The following LARGE1 variants were observed in gnomAD, a reference collection of about 807,000 sequenced individuals.
LARGE1 encodes xylosyl- and glucuronyltransferase LARGE1.
In LARGE1, 43 loss-of-function variants were observed where a neutral mutation model predicts 87.6. The ratio of observed to expected loss-of-function variants is 0.49; its 90% CI spans 0.38 to 0.63. The LOEUF is 0.63. LARGE1 is among the 30% of genes least tolerant of loss of function. The pLI is 0.00. For synonymous variants in LARGE1, 434 were observed against 394.6 expected (o/e 1.10, Z -1.18); for missense variants, 802 against 1,000.2 (o/e 0.80, Z 2.67).
At chr22:33,552,435 G>A (rs1027440953) in intron 6 of LARGE1, among the ~76,000 whole-genome samples, 1 of 150,524 alleles carries the variant, frequency 6.6e-6, no homozygotes, top group Non-Finnish European at 1.5e-5. Flanking sequence ...ATCTCAACAC[G>A]GGAGACACAA....
intron 11 of LARGE1, among the ~76,000 whole-genome samples, chr22:33,186,886 A>G (rs547796715): frequency 6.6e-6 from 1 of 152,312 alleles, no homozygotes; most frequent in East Asian, 1.9e-4. Context: ...GAGATGAAAT[A>G]TTTAGATATA....
intron 6 of LARGE1, among the ~76,000 whole-genome samples, chr22:33,555,087 T>C (rs987942481): frequency 1.3e-5 from 2 of 152,228 alleles, no homozygotes; most frequent in African/African-American, 4.8e-5. Context: ...TTTTGTCTTC[T>C]TACTATTCCC....
Position 33,273,314 on chromosome 22 carries a change from G to A in LARGE1, c.*1113C>T. On this transcript the variant is annotated 3_prime_UTR_variant, in exon 15 of 15. Transcript: ENST00000397394. The stretch of plus-strand genomic sequence containing the variant: ...CAGGTCCCAAAGGGAGACTGAGGTT[G>A]TCACCTCTTCCCATCCACAGTGAAG... 2.5e-6 allele frequency: 1 copy of A among 398,348 alleles called. No homozygotes were observed. The highest frequency in any genetic ancestry group is 4.4e-6 in the Non-Finnish European group (1 of 226,060). 24.7% of individuals were successfully genotyped at this position (398,348 alleles called of 1,614,324 possible).
intron 9 of LARGE1, among the ~76,000 whole-genome samples, chr22:33,363,941 G>GGTCC (rs2064481591): frequency 6.7e-6 from 1 of 149,598 alleles, no homozygotes; most frequent in African/African-American, 2.5e-5. Flanking sequence ...AGACCCTCTG[G>GGTCC]GTCCTCTTGG....
At chr22:33,548,144 T>C (rs1207498126) in intron 6 of LARGE1, among the ~76,000 whole-genome samples, 1 of 152,164 alleles carries the variant, frequency 6.6e-6, no homozygotes, top group Non-Finnish European at 1.5e-5. Context: ...CTGGGGTGGA[T>C]CCTTCACAAA....
chr22:33,809,212 C>T (rs1174000428), intron 1 of LARGE1, among the ~76,000 whole-genome samples: 2 of 151,070 alleles, frequency 1.3e-5, no homozygotes, highest in Admixed American at 6.6e-5. Flanking sequence ...GCAGAGGCTG[C>T]GGTGAGCCGA....
chr22:33,085,350 A>G, the LARGE1 span, among the ~76,000 whole-genome samples: 1 of 152,254 alleles, frequency 6.6e-6, no homozygotes, highest in African/African-American at 2.4e-5. Context: ...TTTTCTAAAA[A>G]CAGAATGGAA....
At chr22:33,622,106 G>T (rs1201191416) in intron 4 of LARGE1, among the ~76,000 whole-genome samples, 1 of 152,196 alleles carries the variant, frequency 6.6e-6, no homozygotes, top group Non-Finnish European at 1.5e-5. Flanking sequence ...GGTTGTTAGG[G>T]AAAGGGTGCT....
intron 9 of LARGE1, among the ~76,000 whole-genome samples, chr22:33,342,199 T>C (rs1939227259): frequency 6.6e-6 from 1 of 152,158 alleles, no homozygotes; most frequent in South Asian, 2.1e-4. Flanking sequence ...CGTGTCGTCT[T>C]TGCGAATGAT....
At chr22:33,736,535 T>G (rs945602685) in intron 2 of LARGE1, among the ~76,000 whole-genome samples, 1 of 152,264 alleles carries the variant, frequency 6.6e-6, no homozygotes, top group Non-Finnish European at 1.5e-5. Flanking sequence ...ATTCTGTACA[T>G]AAGTCCCTTA....
chr22:33,616,182 G>A (rs912265521), intron 4 of LARGE1, among the ~76,000 whole-genome samples: 10 of 151,958 alleles, frequency 6.6e-5, no homozygotes, highest in African/African-American at 2.2e-4. Flanking sequence ...AGCTTATACA[G>A]AACATTCTTA....
intron 6 of LARGE1, among the ~76,000 whole-genome samples, chr22:33,442,841 G>A (rs1346586688): frequency 6.7e-6 from 1 of 149,980 alleles, no homozygotes; most frequent in East Asian, 2.0e-4. Flanking sequence ...CGCCCAGGCT[G>A]GAGTGCAGTG....
the LARGE1 span, among the ~76,000 whole-genome samples, chr22:33,144,222 T>C: frequency 6.6e-6 from 1 of 152,160 alleles, no homozygotes; most frequent in East Asian, 1.9e-4. Flanking sequence ...TTGTTTCAAT[T>C]TGAAGGCATG....
intron 8 of LARGE1, among the ~76,000 whole-genome samples, chr22:33,383,293 C>G (rs1242682415): frequency 6.6e-6 from 1 of 152,158 alleles, no homozygotes; most frequent in African/African-American, 2.4e-5. Flanking sequence ...GGTGCAGAGA[C>G]TCATGCCTGT....
chr22:33,082,810 G>C, the LARGE1 span, among the ~76,000 whole-genome samples: 5 of 152,142 alleles, frequency 3.3e-5, no homozygotes, highest in Non-Finnish European at 7.4e-5. Context: ...TGGATCATGA[G>C]GTCAGGAGAT....
At chr22:33,136,960 A>G in the LARGE1 span, among the ~76,000 whole-genome samples, 3 of 151,978 alleles carry the variant, frequency 2.0e-5, no homozygotes, top group Non-Finnish European at 4.4e-5. Context: ...CTGGAGATCT[A>G]TATGTCTCAA....
chr22:33,732,014 A>G (rs1031597296), intron 2 of LARGE1, among the ~76,000 whole-genome samples: 1 of 152,214 alleles, frequency 6.6e-6, no homozygotes, highest in African/African-American at 2.4e-5. Context: ...TTATTCAGCT[A>G]TACTATGTCT....
chr22:33,548,105 G>A (rs2077414925), intron 6 of LARGE1, among the ~76,000 whole-genome samples: 1 of 152,198 alleles, frequency 6.6e-6, no homozygotes, highest in South Asian at 2.1e-4. Context: ...AGCGTTGGAG[G>A]TAGGGCCTAC....
the LARGE1 span, among the ~76,000 whole-genome samples, chr22:33,103,432 C>CAA: frequency 0.25 from 8,388 of 33,864 alleles, 2,701 homozygotes; most frequent in Middle Eastern, 0.31. Flanking sequence ...GACTCTGTCT[C>CAA]AAAAAAAAAA....
Sources: allele counts gnomAD v4.1 joint callset (sites outside exome capture counted in the v4.1 genomes callset), GRCh38; gene constraint gnomAD v4.1.1; transcripts MANE v1.5; gene names NCBI Gene and HGNC (gene_info 2026-07-23, HGNC 2026-07-21).